TPTE2: variants seen among roughly 807,000 people sequenced by gnomAD.
TPTE2 encodes transmembrane phosphoinositide 3-phosphatase and tensin homolog 2, also known as phosphatidylinositol 3,4,5-trisphosphate 3-phosphatase TPTE2.
TPTE2 carries 53 observed loss-of-function variants against 78.6 expected under a neutral mutation model. The observed-to-expected ratio is 0.67, with a 90% CI of 0.54 to 0.85. TPTE2 has a LOEUF of 0.85. TPTE2 is among the 40% of genes least tolerant of loss of function. The pLI, the probability that TPTE2 is intolerant of heterozygous loss-of-function variation, is 0.00. For missense variants in TPTE2, 461 were observed against 623.0 expected, an observed-to-expected ratio of 0.74 and a Z score of 2.77; for synonymous variants, 175 against 206.2, an observed-to-expected ratio of 0.85 and a Z score of 1.30.
chr13:19,496,784 C>A (rs1448953573), intron 1 of TPTE2, among the ~76,000 whole-genome samples: 1 of 152,156 alleles, frequency 6.6e-6, no homozygotes, highest in African/African-American at 2.4e-5. Context: ...GCTGCGAAAT[C>A]TCGGAGGAGG....
chr13:19,472,504 A>C (rs1251949525), intron 6 of TPTE2, among the ~76,000 whole-genome samples: 1 of 152,146 alleles, frequency 6.6e-6, no homozygotes, highest in African/African-American at 2.4e-5. Flanking sequence ...TTTCTGCTTG[A>C]TTCTTTTAAA....
chr13:19,527,850 G>A (rs1870607581), intron 1 of TPTE2, among the ~76,000 whole-genome samples: 1 of 152,236 alleles, frequency 6.6e-6, no homozygotes, highest in Non-Finnish European at 1.5e-5. Flanking sequence ...AGAAGGACTT[G>A]GTGTCCACAT....
chr13:19,451,960 C>T (rs1041886104), intron 10 of TPTE2, among the ~76,000 whole-genome samples: 1 of 151,948 alleles, frequency 6.6e-6, no homozygotes, highest in African/African-American at 2.4e-5. Flanking sequence ...CATGCACACA[C>T]ATACGTATAT....
chr13:19,489,658 CT>C lies in TPTE2; in HGVS notation c.119+3191del, dbSNP rs549416772. On this transcript the variant is annotated intron_variant, in intron 3 of 19. Transcript: ENST00000400230. ...CATATGTATATAGATATGTGTATAT[CT>C]ATATACACAAATACATATTTATATA... Among the ~76,000 whole-genome samples the C allele has an allele frequency of 4.0e-3, 602 of 148,690 alleles. 7 individuals carry two copies. The highest frequency in any genetic ancestry group is 0.014 in the African/African-American group (576 of 40,502).
At chr13:19,509,382 A>G (rs1869281134) in intron 1 of TPTE2, among the ~76,000 whole-genome samples, 1 of 152,186 alleles carries the variant, frequency 6.6e-6, no homozygotes, top group Non-Finnish European at 1.5e-5. Context: ...CTGTGGCAAT[A>G]ATAATCAAGA....
intron 1 of TPTE2, among the ~76,000 whole-genome samples, chr13:19,527,924 G>T (rs1870612295): frequency 6.6e-6 from 1 of 152,214 alleles, no homozygotes; most frequent in South Asian, 2.1e-4. Flanking sequence ...GAGAAGCAGG[G>T]GCTGGCGCCT....
chr13:19,525,201 T>C (rs909468304), intron 1 of TPTE2, among the ~76,000 whole-genome samples: 4 of 152,096 alleles, frequency 2.6e-5, no homozygotes, highest in Non-Finnish European at 5.9e-5. Flanking sequence ...AAAAAATTAG[T>C]ACAACTTGTG....
At chr13:19,537,233 A>AT (rs542858008), upstream of TPTE2, among the ~76,000 whole-genome samples, 397 of 132,284 alleles carry the variant, frequency 3.0e-3, 2 homozygotes, top group Admixed American at 8.8e-3. Context: ...CTTCTACTTG[A>AT]TTTTTTTTTT....
At chr13:19,455,696 TA>T (rs34212154) in intron 10 of TPTE2, among the ~76,000 whole-genome samples, 148,094 of 152,222 alleles carry the variant, frequency 0.97, 72,128 homozygotes, top group East Asian at 1. Flanking sequence ...TAGTGATACA[TA>T]AAAAAATACA....
At chr13:19,482,148 A>G (rs1040254200) in intron 4 of TPTE2, among the ~76,000 whole-genome samples, 1 of 152,144 alleles carries the variant, frequency 6.6e-6, no homozygotes, top group Non-Finnish European at 1.5e-5. Flanking sequence ...ATCACACCAT[A>G]TCCAGTAAAA....
intron 2 of TPTE2, 142 bp downstream of exon 5, chr13:19,493,306 T>C (rs1372169164): frequency 1.2e-5 from 9 of 743,532 alleles, no homozygotes; most frequent in Admixed American, 2.4e-5. Flanking sequence ...GTACGCGTGT[T>C]GAAGAGAAGT....
At position 19,480,228 on chromosome 13, in the gene TPTE2, T is replaced by C. The variant is rs556857911; in HGVS notation, c.179+2260A>G. Among the ~76,000 whole-genome samples the C allele has an allele frequency of 4.8e-4, 73 of 152,226 alleles. 1 individual carries two copies. The highest frequency in any genetic ancestry group is 1.0e-3 in the Admixed American group (16 of 15,286). ...TGGGGGTAGGGAGGTGGCCATGATG[T>C]AAAGCATGAAAAACACTGTAGTGAC... On this transcript the variant is annotated intron_variant, in intron 4 of 19. Coordinates refer to ENST00000400230, the Ensembl canonical transcript of TPTE2.
chr13:19,430,325 G>C (rs937729283), intron 17 of TPTE2, 143 bp downstream of exon 20: 7 of 665,222 alleles, frequency 1.1e-5, no homozygotes, highest in Non-Finnish European at 1.6e-5. Flanking sequence ...TCCAAACCCA[G>C]TGACACCAAG....
intron 15 of TPTE2, among the ~76,000 whole-genome samples, chr13:19,435,467 T>C (rs1877005577): frequency 6.6e-6 from 1 of 151,928 alleles, no homozygotes. Flanking sequence ...AAAGAACGGA[T>C]GAAACGTGGC....
At chr13:19,557,019 A>T in the TPTE2 span, among the ~76,000 whole-genome samples, 2 of 152,242 alleles carry the variant, frequency 1.3e-5, no homozygotes, top group African/African-American at 4.8e-5. Context: ...TTCCTTGAAT[A>T]TTCTTCCCAT....
At chr13:19,449,704 A>T (rs1878056489) in intron 13 of TPTE2, among the ~76,000 whole-genome samples, 1 of 152,206 alleles carries the variant, frequency 6.6e-6, no homozygotes, top group Admixed American at 6.5e-5. Context: ...TAATTTAAAA[A>T]TAAAAAAGAT....
intron 1 of TPTE2, among the ~76,000 whole-genome samples, chr13:19,517,396 AC>A (rs1411645413): frequency 6.6e-6 from 1 of 151,818 alleles, no homozygotes; most frequent in Non-Finnish European, 1.5e-5. Context: ...TTGGCCTTAC[AC>A]CCACTGGTTG....
At chr13:19,499,272 T>C (rs1433926772) in intron 1 of TPTE2, among the ~76,000 whole-genome samples, 1 of 151,940 alleles carries the variant, frequency 6.6e-6, no homozygotes, top group African/African-American at 2.4e-5. Flanking sequence ...TACCCAGGAA[T>C]TGAACTCAGC....
intron 15 of TPTE2, among the ~76,000 whole-genome samples, chr13:19,433,774 C>A (rs1263690323): frequency 6.6e-6 from 1 of 152,210 alleles, no homozygotes; most frequent in Non-Finnish European, 1.5e-5. Flanking sequence ...AGCTCTCAAA[C>A]ATGCAGCTGA....
Sources: gnomAD v4.1 joint callset for allele counts (sites outside exome capture counted in the v4.1 genomes callset) on GRCh38, gnomAD v4.1.1 for gene constraint, MANE v1.5 for transcripts, NCBI Gene and HGNC (gene_info 2026-07-23, HGNC 2026-07-21) for gene names.